SCARA5: variants seen among roughly 807,000 people sequenced by gnomAD.
The protein encoded by SCARA5 is scavenger receptor class A, member 5 (putative).
SCARA5 carries 45 observed loss-of-function variants against 46.3 expected under a neutral mutation model. The ratio of observed to expected loss-of-function variants is 0.97; its 90% CI spans 0.76 to 1.24. The LOEUF is 1.24. Among genes scored for constraint, SCARA5 ranks in the 50% most tolerant of loss-of-function variants. The probability of loss-of-function intolerance (pLI) is 0.00; values close to 1 mark genes in which losing one functional copy is unlikely to be tolerated. For missense variants in SCARA5, 680 were observed against 689.0 expected, an observed-to-expected ratio of 0.99 and a Z score of 0.15; for synonymous variants, 333 against 306.5, an observed-to-expected ratio of 1.09 and a Z score of -0.90.
intron 6 of SCARA5, among the ~76,000 whole-genome samples, chr8:27,906,032 C>T (rs893606396): frequency 2.0e-5 from 3 of 152,158 alleles, no homozygotes; most frequent in African/African-American, 7.2e-5. Context: ...TTTCAACAAG[C>T]ATGTGCTGCT....
chr8:27,965,027 G>A (rs748989675), intron 3 of SCARA5, among the ~76,000 whole-genome samples: 10 of 152,052 alleles, frequency 6.6e-5, no homozygotes, highest in African/African-American at 2.2e-4. Flanking sequence ...TGGCCCACTC[G>A]GCCTGCGAGG....
chr8:27,911,279 C>T (rs1295213772), intron 4 of SCARA5, among the ~76,000 whole-genome samples: 1 of 152,168 alleles, frequency 6.6e-6, no homozygotes, highest in Non-Finnish European at 1.5e-5. Context: ...GTGACTGTGT[C>T]CCATCTTTCC....
intron 3 of SCARA5, among the ~76,000 whole-genome samples, chr8:27,947,236 T>C (rs1180897778): frequency 2.0e-5 from 3 of 152,182 alleles, no homozygotes; most frequent in Non-Finnish European, 4.4e-5. Flanking sequence ...GGTCTCGAAC[T>C]CCTGACCTCA....
At chr8:27,956,363 T>A (rs552841278) in intron 3 of SCARA5, among the ~76,000 whole-genome samples, 4 of 152,168 alleles carry the variant, frequency 2.6e-5, no homozygotes, top group African/African-American at 7.2e-5. Flanking sequence ...GTAAAGCAGG[T>A]AGAGATGGGC....
intron 8 of SCARA5, among the ~76,000 whole-genome samples, chr8:27,875,095 G>A (rs2129656345): frequency 6.6e-6 from 1 of 152,204 alleles, no homozygotes; most frequent in South Asian, 2.1e-4. Flanking sequence ...ACTCAGGTTT[G>A]GCAGGCACTG....
intron 3 of SCARA5, among the ~76,000 whole-genome samples, chr8:27,934,043 G>A (rs373486794): frequency 6.6e-6 from 1 of 152,306 alleles, no homozygotes; most frequent in East Asian, 1.9e-4. Context: ...GTGAATATTG[G>A]TTGTGTAATA....
intron 4 of SCARA5, among the ~76,000 whole-genome samples, chr8:27,912,579 TAAGGCC>T (rs1334284481): frequency 6.6e-6 from 1 of 152,178 alleles, no homozygotes; most frequent in South Asian, 2.1e-4. Context: ...GATCTCCCCT[TAAGGCC>T]AAGGCCAAGG....
chr8:27,894,563 T>G (rs1807031835), intron 7 of SCARA5, among the ~76,000 whole-genome samples: 1 of 152,190 alleles, frequency 6.6e-6, no homozygotes, highest in South Asian at 2.1e-4. Flanking sequence ...GTGATTTTGG[T>G]GCACAGCCAA....
intron 2 of SCARA5, among the ~76,000 whole-genome samples, chr8:27,976,714 C>T (rs1350216464): frequency 6.6e-6 from 1 of 152,178 alleles, no homozygotes; most frequent in Admixed American, 6.5e-5. Context: ...TTGTAGAGGA[C>T]TGAGTCATCC....
Position 27,990,362 on chromosome 8 carries a change from G to T in SCARA5, c.-16+1895C>A, listed in dbSNP as rs542846535. 1.6e-4 allele frequency among the ~76,000 whole-genome samples: 24 copies of T among 152,256 alleles called. No individual in the cohort carries two copies. The Middle Eastern group carries it at 0.031, about 196-fold the overall frequency. Reference sequence around the variant, plus strand: ...TTGGGGGCTGTTTTTCTTTCTTGGGGGAGGAAGCAGGCATTGGGACCCTCA... The same window carrying T: ...TTGGGGGCTGTTTTTCTTTCTTGGGTGAGGAAGCAGGCATTGGGACCCTCA... On this transcript the variant is annotated intron_variant, in intron 1 of 8. Coordinates refer to ENST00000354914, the MANE Select transcript of SCARA5 (RefSeq NM_173833.6).
intron 4 of SCARA5, among the ~76,000 whole-genome samples, chr8:27,920,141 G>T (rs946263106): frequency 6.6e-6 from 1 of 151,918 alleles, no homozygotes; most frequent in Admixed American, 6.6e-5. Flanking sequence ...CCCACAGCAC[G>T]AGTACAATGG....
At chr8:27,980,226 T>C (rs1024067047) in intron 2 of SCARA5, among the ~76,000 whole-genome samples, 1 of 151,990 alleles carries the variant, frequency 6.6e-6, no homozygotes, top group Non-Finnish European at 1.5e-5. Flanking sequence ...AATGAATGAA[T>C]GAGCAAGCAA....
intron 7 of SCARA5, chr8:27,886,105 G>GA (rs1212875005): frequency 6.5e-6 from 1 of 154,012 alleles, no homozygotes; most frequent in African/African-American, 2.4e-5. Flanking sequence ...CCTCAAGGGA[G>GA]AAAAAGAACT....
intron 5 of SCARA5, among the ~76,000 whole-genome samples, chr8:27,907,572 C>CTTTTTTTTTTTTTTTTTTTTTTTTTT (rs144977060): frequency 1.0e-5 from 1 of 97,276 alleles, no homozygotes; most frequent in Non-Finnish European, 2.0e-5. Context: ...TCAGCAAACA[C>CTTTTTTTTTTTTTTTTTTTTTTTTTT]TTTTTTTTTT....
intron 3 of SCARA5, among the ~76,000 whole-genome samples, chr8:27,923,150 T>G (rs891533568): frequency 2.0e-4 from 31 of 152,362 alleles, no homozygotes; most frequent in African/African-American, 6.7e-4. Flanking sequence ...TAAGAATGCT[T>G]GCTCCAGAGC....
At position 27,930,371 on chromosome 8, in the gene SCARA5, C is replaced by G. The variant is rs562754155; in HGVS notation, c.242-8126G>C. On this transcript the variant is annotated intron_variant, in intron 3 of 8. Transcript: ENST00000354914. The stretch of plus-strand genomic sequence containing the variant: ...ACCTTCTGCCATGATTGTGAAGCCT[C>G]CCCAGCCATGTGGAACTGTGAGTCT... 2.3e-3 allele frequency among the ~76,000 whole-genome samples: 343 copies of G among 152,194 alleles called. 1 individual carries two copies. Among genetic ancestry groups the G allele is most frequent in the Middle Eastern group, 6.8e-3 (2 of 292 alleles).
intron 3 of SCARA5, among the ~76,000 whole-genome samples, chr8:27,962,016 C>T (rs555522341): frequency 6.6e-6 from 1 of 152,206 alleles, no homozygotes; most frequent in South Asian, 2.1e-4. Context: ...CTTCCTTGTT[C>T]CGTAAAGAAT....
At chr8:27,917,320 G>A (rs1807478577) in intron 4 of SCARA5, among the ~76,000 whole-genome samples, 1 of 152,186 alleles carries the variant, frequency 6.6e-6, no homozygotes, top group Non-Finnish European at 1.5e-5. Flanking sequence ...AAGAACCATG[G>A]CAAATGAGTG....
At chr8:27,947,767 T>A (rs922859678) in intron 3 of SCARA5, among the ~76,000 whole-genome samples, 1 of 151,592 alleles carries the variant, frequency 6.6e-6, no homozygotes, top group Non-Finnish European at 1.5e-5. Flanking sequence ...CCCAGCTACT[T>A]GGGAGACTGA....
Sources: allele counts gnomAD v4.1 joint callset (sites outside exome capture counted in the v4.1 genomes callset), GRCh38; gene constraint gnomAD v4.1.1; transcripts MANE v1.5; gene names NCBI Gene and HGNC (gene_info 2026-07-23, HGNC 2026-07-21).